SLIT3: variants seen among roughly 807,000 people sequenced by gnomAD.
SLIT3 encodes the protein slit homolog 3 protein.
In SLIT3, 68 loss-of-function variants were observed where a neutral mutation model predicts 184.0. The ratio of observed to expected loss-of-function variants is 0.37; its 90% CI spans 0.30 to 0.45. The LOEUF (loss-of-function observed/expected upper bound fraction) is 0.45, where lower values mean the gene tolerates loss of function less well. Ranked by LOEUF, SLIT3 falls within the 20% of genes least tolerant of loss-of-function variation. The pLI, the probability that SLIT3 is intolerant of heterozygous loss-of-function variation, is 1.00. For missense variants in SLIT3, 1,707 were observed against 2,026.0 expected, an observed-to-expected ratio of 0.84 and a Z score of 3.02; for synonymous variants, 831 against 828.6, an observed-to-expected ratio of 1.00 and a Z score of -0.05.
intron 4 of SLIT3, among the ~76,000 whole-genome samples, chr5:168,914,699 T>G (rs1761376422): frequency 6.6e-6 from 1 of 152,196 alleles, no homozygotes; most frequent in Non-Finnish European, 1.5e-5. Flanking sequence ...GTACTGTGCT[T>G]CTCTTTTCTG....
chr5:168,803,968 G>T (rs1369035768), intron 9 of SLIT3, among the ~76,000 whole-genome samples: 1 of 151,742 alleles, frequency 6.6e-6, no homozygotes, highest in Non-Finnish European at 1.5e-5. Flanking sequence ...ACCATGGGTA[G>T]GGCAAGGGAG....
intron 16 of SLIT3, among the ~76,000 whole-genome samples, chr5:168,756,243 G>A (rs1754943780): frequency 6.6e-6 from 1 of 152,238 alleles, no homozygotes; most frequent in South Asian, 2.1e-4. Context: ...ACCATACCAA[G>A]TCCCTGGTCT....
intron 4 of SLIT3, among the ~76,000 whole-genome samples, chr5:168,905,444 G>A (rs1761016322): frequency 6.6e-6 from 1 of 152,150 alleles, no homozygotes; most frequent in Non-Finnish European, 1.5e-5. Context: ...CAGAAGGCAA[G>A]TTATTCAACA....
chr5:169,296,408 T>C (rs1209274812), intron 1 of SLIT3, among the ~76,000 whole-genome samples: 1 of 152,124 alleles, frequency 6.6e-6, no homozygotes, highest in Non-Finnish European at 1.5e-5. Context: ...CCGTTCAGAG[T>C]TGCACAGCAC....
At chr5:169,237,147 G>T (rs1212742880) in intron 3 of SLIT3, among the ~76,000 whole-genome samples, 1 of 152,068 alleles carries the variant, frequency 6.6e-6, no homozygotes, top group Non-Finnish European at 1.5e-5. Context: ...CACAGCTTAG[G>T]TCAGCACCTT....
At chr5:168,771,959 C>T (rs536387591) in intron 14 of SLIT3, among the ~76,000 whole-genome samples, 178 of 151,926 alleles carry the variant, frequency 1.2e-3, no homozygotes, top group African/African-American at 4.2e-3. Flanking sequence ...CAGTCTTTCA[C>T]CATTGGGGGC....
intron 4 of SLIT3, among the ~76,000 whole-genome samples, chr5:168,952,550 A>AAAAAG (rs59047961): frequency 1.6e-5 from 2 of 128,004 alleles, no homozygotes; most frequent in African/African-American, 7.0e-5. Context: ...AAAAAAAAAG[A>AAAAAG]GGGGAGAAGG....
chr5:168,689,805 G>C (rs1350601165), intron 29 of SLIT3, among the ~76,000 whole-genome samples: 1 of 152,208 alleles, frequency 6.6e-6, no homozygotes. Context: ...GATATGAGCT[G>C]TTTGGTGATG....
chr5:168,858,877 C>G (rs928842960), intron 5 of SLIT3, among the ~76,000 whole-genome samples: 25 of 152,198 alleles, frequency 1.6e-4, no homozygotes, highest in African/African-American at 5.8e-4. Flanking sequence ...TCCTAAGGCC[C>G]CTGGGCGGGC....
chr5:168,914,906 G>A (rs923011607), intron 4 of SLIT3, among the ~76,000 whole-genome samples: 3 of 152,130 alleles, frequency 2.0e-5, no homozygotes, highest in Non-Finnish European at 2.9e-5. Flanking sequence ...TAGGCTTACT[G>A]TCACTAGCCA....
At chr5:168,795,789 T>A (rs1167023460) in intron 9 of SLIT3, among the ~76,000 whole-genome samples, 2 of 152,068 alleles carry the variant, frequency 1.3e-5, no homozygotes, top group Admixed American at 1.3e-4. Flanking sequence ...TAACTCTCCT[T>A]GGAGAAAGAG....
chr5:168,907,977 T>TAGAGAGAGAG (rs1306645535), intron 4 of SLIT3, among the ~76,000 whole-genome samples: 57 of 62,226 alleles, frequency 9.2e-4, no homozygotes, highest in African/African-American at 1.1e-3. Context: ...TATATATATA[T>TAGAGAGAGAG]ATAGAGAGAG....
At chr5:168,779,301 G>A (rs534687336) in intron 12 of SLIT3, among the ~76,000 whole-genome samples, 6 of 152,322 alleles carry the variant, frequency 3.9e-5, no homozygotes, top group African/African-American at 1.4e-4. Flanking sequence ...AGCCACCTGA[G>A]GCTGATGGGA....
chr5:168,975,734 C>A (rs751339098), intron 4 of SLIT3, among the ~76,000 whole-genome samples: 21 of 152,172 alleles, frequency 1.4e-4, no homozygotes, highest in Non-Finnish European at 2.6e-4. Flanking sequence ...GCTTCCCTCC[C>A]CAGAAGTCCT....
chr5:169,185,086 AC>A (rs1344531371), intron 4 of SLIT3, among the ~76,000 whole-genome samples: 3 of 152,200 alleles, frequency 2.0e-5, no homozygotes, highest in Non-Finnish European at 2.9e-5. Flanking sequence ...GGCTTCAGGT[AC>A]TACAGAGAGA....
intron 5 of SLIT3, among the ~76,000 whole-genome samples, chr5:168,881,364 T>C (rs905805): frequency 0.46 from 70,159 of 152,044 alleles, 16,526 homozygotes; most frequent in Admixed American, 0.54. Flanking sequence ...TTAAGAACAA[T>C]TGTGGGATTT....
intron 5 of SLIT3, among the ~76,000 whole-genome samples, chr5:168,851,791 G>A (rs1758689055): frequency 1.3e-5 from 2 of 152,156 alleles, no homozygotes; most frequent in South Asian, 4.1e-4. Context: ...TGACTCAGTT[G>A]AAAATAGATT....
intron 4 of SLIT3, among the ~76,000 whole-genome samples, chr5:169,142,005 G>T (rs915291204): frequency 6.6e-6 from 1 of 150,382 alleles, no homozygotes; most frequent in Non-Finnish European, 1.5e-5. Flanking sequence ...AGCCAAGATC[G>T]CACCAGTGCA....
intron 3 of SLIT3, among the ~76,000 whole-genome samples, chr5:169,212,015 G>T (rs906065123): frequency 7.2e-5 from 11 of 152,066 alleles, no homozygotes; most frequent in Admixed American, 6.6e-5. Flanking sequence ...TTTATCCAGT[G>T]TATCATTGAT....
Sources: gnomAD v4.1 joint callset for allele counts (sites outside exome capture counted in the v4.1 genomes callset) on GRCh38, gnomAD v4.1.1 for gene constraint, MANE v1.5 for transcripts, NCBI Gene and HGNC (gene_info 2026-07-23, HGNC 2026-07-21) for gene names.